MRPL38: variants seen among roughly 807,000 people sequenced by gnomAD.
The protein encoded by MRPL38 is large ribosomal subunit protein mL38.
A neutral mutation model predicts 52.1 loss-of-function variants in MRPL38; 51 were observed. The ratio of observed to expected loss-of-function variants is 0.98; its 90% CI spans 0.78 to 1.24. The LOEUF (loss-of-function observed/expected upper bound fraction) is 1.24. Ranked by LOEUF, MRPL38 falls within the 50% of genes most tolerant of loss-of-function variation. The pLI, the probability that MRPL38 is intolerant of heterozygous loss-of-function variation, is 0.00. For synonymous variants in MRPL38, 245 were observed against 212.7 expected (o/e 1.15, Z -1.32); for missense variants, 527 against 518.6 (o/e 1.02, Z -0.16).
intron 8 of MRPL38, 57 bp from the exon 9 acceptor site, chr17:75,899,043 A>G: frequency 6.5e-7 from 1 of 1,538,446 alleles, no homozygotes; most frequent in South Asian, 1.2e-5. Flanking sequence ...CCTCAGGCTG[A>G]GGCCTGCCCA....
In MRPL38 at chr17:75,901,785, A is replaced by C. The variant is rs1326504517; in HGVS notation, c.518T>G (p.Leu173Arg). The part of the protein sequence containing the change: ...HGATFVPRVP[L>R]HVAYAVGEDD... ...CTCACCCACAGCGTAGGCCACGTGCAGGGGGACTCGGGGCACAAAGGTGGC... is the reference window on the plus strand; with the variant it reads ...CTCACCCACAGCGTAGGCCACGTGCCGGGGGACTCGGGGCACAAAGGTGGC... The change falls in exon 4 of 9, where the codon CTG becomes CGG. Residue 173 changes from leucine (L) to arginine (R), a missense_variant. Leu to Arg is a moderately radical substitution (Grantham distance 102, BLOSUM62 -2). Transcript: ENST00000309352. This position sits in a 1 kb window ranked among gnomAD's most constrained non-coding sequence, Gnocchi z 5.7. The C allele has an allele frequency of 6.2e-7, 1 of 1,613,552 alleles. No homozygotes were observed. Among genetic ancestry groups the C allele is most frequent in the Admixed American group, 1.7e-5 (1 of 59,994 alleles).
chr17:75,898,810 C>A lies in MRPL38; in HGVS notation c.*40G>T. 2 of 1,608,552 alleles carry A rather than the reference C, an allele frequency of 1.2e-6. No individual in the cohort carries two copies. The highest frequency in any genetic ancestry group is 1.7e-6 in the Non-Finnish European group (2 of 1,178,112). ...GGAGCTGTGTCTTTACTCTTGCTGCCGATCAATCCCATGCTCTGAAATGCG... is the reference window on the plus strand; with the variant it reads ...GGAGCTGTGTCTTTACTCTTGCTGCAGATCAATCCCATGCTCTGAAATGCG... On this transcript the variant is annotated 3_prime_UTR_variant, in exon 9 of 9. Transcript: ENST00000309352.
chr17:75,901,530 G>A lies in MRPL38; in HGVS notation c.591+182C>T. 1.5e-6 allele frequency: 1 copy of A among 677,968 alleles called. No individual in the cohort carries two copies. The highest frequency in any genetic ancestry group is 2.6e-6 in the Non-Finnish European group (1 of 391,918). The allele number at this position is 677,968 out of a possible 1,614,324, so 42.0% of individuals were successfully genotyped here. On this transcript the variant is annotated intron_variant, in intron 4 of 8. Transcript: ENST00000309352. The surrounding 1 kb of genome is among the most constrained non-coding windows in gnomAD (Gnocchi z 5.7). The stretch of plus-strand genomic sequence containing the variant: ...CAGGCTGGTCACAGGAATGTGCTAA[G>A]ACAGAGCCTCTTTTTCCTTCATTTT...
In MRPL38 at chr17:75,899,679, G is replaced by C. The variant is rs1599472153; in HGVS notation, c.711-5C>G. 6.4e-7 allele frequency: 1 copy of C among 1,556,566 alleles called. No homozygotes were observed. Among genetic ancestry groups the C allele is most frequent in the Non-Finnish European group, 8.7e-7 (1 of 1,148,090 alleles). On this transcript the variant is annotated splice_polypyrimidine_tract_variant and splice_region_variant and intron_variant, in intron 6 of 8. Transcript: ENST00000309352. Reference sequence around the variant, plus strand: ...CGGTTACCCGGGATGTTGGTTCTGGGAGGAGGAAAGTCCCGGTTAATTACC... The same window carrying C: ...CGGTTACCCGGGATGTTGGTTCTGGCAGGAGGAAAGTCCCGGTTAATTACC...
chr17:75,902,520 T>C (rs372507197), intron 2 of MRPL38, among the ~76,000 whole-genome samples: 1 of 152,334 alleles, frequency 6.6e-6, no homozygotes, highest in Non-Finnish European at 1.5e-5. Context: ...TAGCTGGGAT[T>C]ATAGGCGCAA....
intron 2 of MRPL38, among the ~76,000 whole-genome samples, chr17:75,903,970 C>T (rs2065416741): frequency 1.3e-5 from 2 of 152,208 alleles, no homozygotes; most frequent in South Asian, 2.1e-4. Context: ...TCAGGTGATC[C>T]GCCCGCCTAG....
At chr17:75,902,280 T>C (rs966205123) in intron 2 of MRPL38, 126 bp from the exon 3 acceptor site, 3 of 1,136,336 alleles carry the variant, frequency 2.6e-6, no homozygotes, top group Non-Finnish European at 3.7e-6. Context: ...ATTTTTGTAT[T>C]TTTTGTAGAG....
chr17:75,904,294 A>G (rs1391248289), intron 2 of MRPL38: 1 of 676,656 alleles, frequency 1.5e-6, no homozygotes, highest in African/African-American at 1.8e-5. Context: ...TTAGGAGCAA[A>G]TATTTTAGGA....
chr17:75,898,980 C>T lies in MRPL38; in HGVS notation c.1013G>A (p.Arg338Gln), dbSNP rs374780186. The change falls in exon 9 of 9, where the codon CGG (arginine) becomes CAG (glutamine). Residue 338 changes from arginine to glutamine, a missense_variant. Coordinates refer to ENST00000309352, the MANE Select transcript of MRPL38 (RefSeq NM_032478.4). ...CCGCACGAACTCAAACACCGGCTCC[C>T]GCATGTCTGCAAGAAGAGTGAGGGG... is the stretch of plus-strand genomic sequence containing the variant. Reference protein sequence around the residue: ...TYIFHQLLDMREPVFEFVRPP... With the variant: ...TYIFHQLLDMQEPVFEFVRPP... 3.1e-5 allele frequency: 49 copies of T among 1,595,780 alleles called. No homozygotes were observed. Among genetic ancestry groups the T allele is most frequent in the Middle Eastern group, 1.8e-4 (1 of 5,686 alleles).
Position 75,898,994 on chromosome 17 carries a change from A to G in MRPL38, c.1007-8T>C, listed in dbSNP as rs766653134. The G allele has an allele frequency of 6.2e-5, 98 of 1,591,316 alleles. No individual in the cohort carries two copies. Among genetic ancestry groups the G allele is most frequent in the Non-Finnish European group, 8.4e-5 (98 of 1,169,940 alleles). Reference sequence around the variant, plus strand: ...ACACCGGCTCCCGCATGTCTGCAAGAAGAGTGAGGGGTACGGGGTGGTCTG... The same window carrying G: ...ACACCGGCTCCCGCATGTCTGCAAGGAGAGTGAGGGGTACGGGGTGGTCTG... On this transcript the variant is annotated splice_region_variant and splice_polypyrimidine_tract_variant and intron_variant, in intron 8 of 8. Transcript: ENST00000309352.
intron 2 of MRPL38, chr17:75,902,396 C>A: frequency 1.9e-6 from 1 of 515,448 alleles, no homozygotes; most frequent in Non-Finnish European, 3.4e-6. Context: ...TGAGCCACTG[C>A]GCCCAGCCAT....
chr17:75,903,768 C>G (rs1210211617), intron 2 of MRPL38, among the ~76,000 whole-genome samples: 1 of 151,658 alleles, frequency 6.6e-6, no homozygotes, highest in South Asian at 2.1e-4. Flanking sequence ...TCTTGTTGCC[C>G]AGGCTGGTGT....
At chr17:75,899,482 T>G (rs532169101) in intron 7 of MRPL38, 34 bp downstream of exon 7, 2 of 1,552,026 alleles carry the variant, frequency 1.3e-6, no homozygotes, top group South Asian at 2.4e-5. Flanking sequence ...GGAGCTGGCC[T>G]GAGGCCGGGT....
chr17:75,903,147 G>T (rs1174429195), intron 2 of MRPL38, among the ~76,000 whole-genome samples: 11 of 152,182 alleles, frequency 7.2e-5, no homozygotes. Flanking sequence ...TATGGCTCAC[G>T]CCTGTAATCC....
chr17:75,898,764 G>T lies in MRPL38; in HGVS notation c.*86C>A. 6.5e-7 allele frequency: 1 copy of T among 1,540,116 alleles called. No homozygotes were observed. The highest frequency in any genetic ancestry group is 8.8e-7 in the Non-Finnish European group (1 of 1,132,526). On this transcript the variant is annotated 3_prime_UTR_variant, in exon 9 of 9. Coordinates refer to ENST00000309352, the MANE Select transcript of MRPL38 (RefSeq NM_032478.4). ...GGGGGGCTGCCTAAGGCAGGGCCCA[G>T]ACCCCACAGTGTGGGCCTCTGGAGC...
chr17:75,901,601 CAA>C lies in MRPL38; in HGVS notation c.591+109_591+110del, dbSNP rs2065404674. On this transcript the variant is annotated intron_variant, in intron 4 of 8. Transcript: ENST00000309352. This position sits in a 1 kb window ranked among gnomAD's most constrained non-coding sequence, Gnocchi z 5.7. ...GTCATGGTGTCGTCTTCCAGGAAAT[CAA>C]AGAGACAGAGAACAACAAAATTCCA... 5 of 899,332 alleles carry C rather than the reference CAA, an allele frequency of 5.6e-6. No individual in the cohort carries two copies. In the Middle Eastern group the frequency reaches 8.8e-4, roughly 157 times the overall value. The allele number at this position is 899,332 out of a possible 1,614,324, so 55.7% of individuals were successfully genotyped here.
intron 6 of MRPL38, chr17:75,900,740 A>G (rs2065400137): frequency 3.0e-6 from 4 of 1,312,632 alleles, no homozygotes; most frequent in Non-Finnish European, 2.9e-6. Flanking sequence ...AAAAAAAAAG[A>G]AAAGAAAAGA....
chr17:75,904,697 G>T lies in MRPL38; in HGVS notation c.90C>A (p.Pro30=). Residue 30 remains proline (P), a synonymous_variant, in exon 2 of 9, where the codon CCC becomes CCA. Coordinates refer to ENST00000309352, the MANE Select transcript of MRPL38 (RefSeq NM_032478.4). ...STSAVLGRRT[P]PLGPMPNSDI... is the part of the protein sequence containing the mutation. The stretch of plus-strand genomic sequence containing the variant: ...CACTGTTGGGCATCGGCCCCAGCGG[G>T]GGTGTCCGGCGGCCCAGGACGGCTG... 2 of 1,593,746 alleles carry T rather than the reference G, an allele frequency of 1.3e-6. No homozygotes were observed. The highest frequency in any genetic ancestry group is 8.5e-7 in the Non-Finnish European group (1 of 1,177,174).
In MRPL38 at chr17:75,901,996, G is replaced by A; in HGVS notation, c.382+24C>T. 6.2e-7 allele frequency: 1 copy of A among 1,612,730 alleles called. No homozygotes were observed. The stretch of plus-strand genomic sequence containing the variant: ...ACACCCTGTACCCCAACTCTGGGAT[G>A]GCCCCTCCCCTGAGAAGGCTTACCT... On this transcript the variant is annotated intron_variant, in intron 3 of 8. Transcript: ENST00000309352. This position sits in a 1 kb window ranked among gnomAD's most constrained non-coding sequence, Gnocchi z 5.7.
Sources: gnomAD v4.1 joint callset for allele counts (sites outside exome capture counted in the v4.1 genomes callset) on GRCh38, gnomAD v4.1.1 for gene constraint, Gnocchi (gnomAD v3.1) non-coding constraint, MANE v1.5 for transcripts, NCBI Gene and HGNC (gene_info 2026-07-23, HGNC 2026-07-21) for gene names.